The following SLCO6A1 variants were observed in gnomAD, a reference collection of about 807,000 sequenced individuals.
SLCO6A1 encodes the protein solute carrier organic anion transporter family member 6A1.
A neutral mutation model predicts 72.7 loss-of-function variants in SLCO6A1; 65 were observed. That is an observed-to-expected ratio of 0.89 (90% confidence interval 0.73 to 1.10). SLCO6A1 has a LOEUF of 1.10. Among genes scored for constraint, SLCO6A1 ranks in the 50% least tolerant of loss-of-function variants. The pLI is 0.00. For synonymous variants in SLCO6A1, 314 were observed against 298.2 expected (o/e 1.05, Z -0.55); for missense variants, 874 against 872.6 (o/e 1.00, Z -0.02).
At chr5:102,443,578 G>A (rs552452295) in intron 6 of SLCO6A1, among the ~76,000 whole-genome samples, 5 of 152,274 alleles carry the variant, frequency 3.3e-5, no homozygotes, top group African/African-American at 1.2e-4. Context: ...AAGTGCTGAT[G>A]CCAAAAACTG....
chr5:102,388,783 G>A lies in SLCO6A1; in HGVS notation c.1922C>T (p.Thr641Ile), dbSNP rs370646896. Residue 641 changes from threonine (T) to isoleucine (I), a missense_variant, in exon 12 of 14, where the codon ACT (threonine) becomes ATT (isoleucine). Thr to Ile is a moderately conservative substitution (Grantham distance 89, BLOSUM62 -1). Transcript: ENST00000506729. ...GPSIFKMSGETSCILRDVNKC... is the reference protein window; with the variant it reads ...GPSIFKMSGEISCILRDVNKC... Reference sequence around the variant, plus strand: ...ATTAACATCCCGTAAAATACAAGAAGTTTCTCCTGACATTTTAAAGATTGA... The same window carrying A: ...ATTAACATCCCGTAAAATACAAGAAATTTCTCCTGACATTTTAAAGATTGA... 6.2e-7 allele frequency: 1 copy of A among 1,608,188 alleles called. No individual in the cohort carries two copies. The highest frequency in any genetic ancestry group is 8.5e-7 in the Non-Finnish European group (1 of 1,178,234).
chr5:102,398,160 A>T (rs1747199829), intron 10 of SLCO6A1, among the ~76,000 whole-genome samples: 1 of 152,092 alleles, frequency 6.6e-6, no homozygotes, highest in South Asian at 2.1e-4. Flanking sequence ...TGTACCAGGC[A>T]TATCAAATTA....
chr5:102,459,853 G>T, intron 4 of SLCO6A1, 76 bp from the exon 5 acceptor site: 2 of 1,256,480 alleles, frequency 1.6e-6, no homozygotes, highest in Non-Finnish European at 2.2e-6. Flanking sequence ...AAACAGAGTG[G>T]AGAAAGTGAG....
chr5:102,432,580 A>G (rs990532118), intron 7 of SLCO6A1, among the ~76,000 whole-genome samples: 13 of 152,158 alleles, frequency 8.5e-5, no homozygotes, highest in Non-Finnish European at 1.6e-4. Context: ...TCTGGCTTGT[A>G]GGGTTTCTGC....
In SLCO6A1 at chr5:102,498,664, A is replaced by G. The variant is rs1046098193; in HGVS notation, c.181T>C (p.Phe61Leu). The change falls in exon 1 of 14, where the codon TTC (phenylalanine) becomes CTC (leucine). Residue 61 changes from phenylalanine to leucine, a missense_variant. Physicochemically the swap from Phe to Leu is conservative, Grantham distance 22. Transcript: ENST00000506729. ...LRLLPEALIR[F>L]GGFRKRKKAK... is the part of the protein sequence containing the mutation. Reference sequence around the variant, plus strand: ...TTTTTCCTTTTTCGGAAACCGCCGAACCTTATCAAGGCCTCTGGAAGTAGT... The same window carrying G: ...TTTTTCCTTTTTCGGAAACCGCCGAGCCTTATCAAGGCCTCTGGAAGTAGT... 6 of 1,614,234 alleles carry G rather than the reference A, an allele frequency of 3.7e-6. No individual in the cohort carries two copies. The highest frequency in any genetic ancestry group is 5.1e-6 in the Non-Finnish European group (6 of 1,180,036).
intron 6 of SLCO6A1, among the ~76,000 whole-genome samples, chr5:102,444,335 C>T: frequency 6.6e-6 from 1 of 152,136 alleles, no homozygotes; most frequent in Non-Finnish European, 1.5e-5. Flanking sequence ...CATTGATTTA[C>T]TCCCTACCCT....
At chr5:102,379,839 T>A (rs2112481009) in intron 12 of SLCO6A1, among the ~76,000 whole-genome samples, 1 of 152,044 alleles carries the variant, frequency 6.6e-6, no homozygotes. Context: ...TAATTTAGGA[T>A]AAATGGCATT....
At chr5:102,437,162 C>G (rs1749586284) in intron 7 of SLCO6A1, among the ~76,000 whole-genome samples, 1 of 152,146 alleles carries the variant, frequency 6.6e-6, no homozygotes, top group Non-Finnish European at 1.5e-5. Context: ...TGTGACTTGA[C>G]TTGAAATAAT....
intron 7 of SLCO6A1, among the ~76,000 whole-genome samples, chr5:102,427,862 ATATTTT>A (rs1439408041): frequency 1.6e-3 from 162 of 103,294 alleles, no homozygotes; most frequent in African/African-American, 9.1e-3. Context: ...ATATATATAT[ATATTTT>A]TTTTTTTTTT....
intron 1 of SLCO6A1, among the ~76,000 whole-genome samples, chr5:102,485,722 C>T (rs1009800938): frequency 1.7e-4 from 26 of 152,278 alleles, no homozygotes; most frequent in South Asian, 4.2e-4. Context: ...TGCCTTTTCC[C>T]TCAGCTGATT....
chr5:102,475,838 C>T (rs1018220131), intron 3 of SLCO6A1, 45 bp from the exon 4 acceptor site: 1 of 1,419,420 alleles, frequency 7.0e-7, no homozygotes, highest in Non-Finnish European at 9.7e-7. Context: ...ATTTCATAAG[C>T]CAGCTTCGTT....
chr5:102,391,081 A>T (rs1259361599), intron 10 of SLCO6A1, 36 bp from the exon 11 acceptor site: 1 of 1,568,050 alleles, frequency 6.4e-7, no homozygotes, highest in Middle Eastern at 1.7e-4. Context: ...TCAGCACATC[A>T]TTGTTATTAG....
At chr5:102,455,198 C>A (rs1388068036) in intron 6 of SLCO6A1, among the ~76,000 whole-genome samples, 4 of 151,346 alleles carry the variant, frequency 2.6e-5, no homozygotes, top group African/African-American at 9.7e-5. Flanking sequence ...ATAAAATTAC[C>A]TAATGTGTCC....
At chr5:102,488,842 T>C (rs982018127) in intron 1 of SLCO6A1, among the ~76,000 whole-genome samples, 1 of 152,214 alleles carries the variant, frequency 6.6e-6, no homozygotes, top group African/African-American at 2.4e-5. Context: ...AAAAAATTGA[T>C]CATTTTTCAT....
chr5:102,481,326 G>A (rs1416137883), intron 1 of SLCO6A1, among the ~76,000 whole-genome samples: 1 of 152,128 alleles, frequency 6.6e-6, no homozygotes, highest in Non-Finnish European at 1.5e-5. Context: ...CAGAGCCCAT[G>A]GGCTCTATAG....
At chr5:102,444,010 T>A (rs371422906) in intron 6 of SLCO6A1, among the ~76,000 whole-genome samples, 1 of 152,182 alleles carries the variant, frequency 6.6e-6, no homozygotes, top group East Asian at 1.9e-4. Context: ...CAAGGTTTTT[T>A]CCACACGAGA....
intron 9 of SLCO6A1, among the ~76,000 whole-genome samples, chr5:102,402,232 T>C (rs1747438216): frequency 6.6e-6 from 1 of 151,994 alleles, no homozygotes; most frequent in Admixed American, 6.6e-5. Flanking sequence ...GGAAAGAATA[T>C]GTCAAGGAAT....
chr5:102,425,070 C>T (rs1263966814), intron 7 of SLCO6A1, among the ~76,000 whole-genome samples: 2 of 152,018 alleles, frequency 1.3e-5, no homozygotes, highest in Non-Finnish European at 2.9e-5. Flanking sequence ...AATTTAACAC[C>T]CCTTCATGCT....
intron 7 of SLCO6A1, among the ~76,000 whole-genome samples, chr5:102,423,377 C>T (rs1748712617): frequency 6.6e-6 from 1 of 151,950 alleles, no homozygotes; most frequent in Admixed American, 6.6e-5. Flanking sequence ...TTCAGGAGAC[C>T]CATCTCATGT....
Sources: allele counts gnomAD v4.1 joint callset (sites outside exome capture counted in the v4.1 genomes callset), GRCh38; gene constraint gnomAD v4.1.1; transcripts MANE v1.5; gene names NCBI Gene and HGNC (gene_info 2026-07-23, HGNC 2026-07-21).